SPATA13: variants seen among roughly 807,000 people sequenced by gnomAD.
The protein encoded by SPATA13 is spermatogenesis associated 13.
A neutral mutation model predicts 104.0 loss-of-function variants in SPATA13; 50 were observed. The ratio of observed to expected loss-of-function variants is 0.48; its 90% CI spans 0.38 to 0.61. SPATA13 has a LOEUF of 0.61. SPATA13 is among the 20% of genes least tolerant of loss of function. The pLI, the probability that SPATA13 is intolerant of heterozygous loss-of-function variation, is 0.00. For missense variants in SPATA13, 1,524 were observed against 1,690.6 expected (o/e 0.90, Z 1.73); for synonymous variants, 606 against 667.5 (o/e 0.91, Z 1.42).
intron 4 of SPATA13, among the ~76,000 whole-genome samples, chr13:24,274,996 G>C (rs939523782): frequency 6.6e-6 from 1 of 152,074 alleles, no homozygotes; most frequent in African/African-American, 2.4e-5. Context: ...CCTCCACCCT[G>C]TTATCACACC....
intron 3 of SPATA13, among the ~76,000 whole-genome samples, chr13:24,062,849 G>A (rs1378507003): frequency 6.6e-6 from 1 of 152,154 alleles, no homozygotes; most frequent in African/African-American, 2.4e-5. Flanking sequence ...TTTGGAGTGG[G>A]TTTTGCCAGG....
In SPATA13 at chr13:24,251,787, C is replaced by G; in HGVS notation, c.2089C>G (p.Pro697Ala). 1 of 1,614,198 alleles carries G rather than the reference C, an allele frequency of 6.2e-7. No homozygotes were observed. The highest frequency in any genetic ancestry group is 8.5e-7 in the Non-Finnish European group (1 of 1,180,024). Residue 697 changes from proline (P) to alanine (A), a missense_variant, in exon 4 of 13, where the codon CCC becomes GCC. Pro to Ala is a conservative substitution (Grantham distance 27). Coordinates refer to ENST00000382108, the MANE Select transcript of SPATA13 (RefSeq NM_001166271.3). Reference protein sequence around the residue: ...PYKAVSARFRPFTFSQSTPIG... With the variant: ...PYKAVSARFRAFTFSQSTPIG... Reference sequence around the variant, plus strand: ...CAAGGCTGTGTCGGCCCGGTTCCGGCCCTTCACATTCTCCCAGAGCACCCC... The same window carrying G: ...CAAGGCTGTGTCGGCCCGGTTCCGGGCCTTCACATTCTCCCAGAGCACCCC...
rs188596963 is a variant in SPATA13, at chr13:24,304,996, C to T, written c.*2223C>T. On this transcript the variant is annotated 3_prime_UTR_variant, in exon 13 of 13. Transcript: ENST00000382108. ...ACACCTTAGCAATAACTGTAGGGGT[C>T]TCTGCTAGAGTTGTTTGTATGTACA... 6 of 152,138 alleles carry T rather than the reference C, an allele frequency of 3.9e-5. No homozygotes were observed. Among genetic ancestry groups the T allele is most frequent in the African/African-American group, 1.4e-4 (6 of 41,418 alleles). 9.4% of individuals were successfully genotyped at this position (152,138 alleles called of 1,614,324 possible). A position where few individuals can be genotyped will look rare whatever the true frequency, so the allele number is the denominator to read the frequency against.
At chr13:24,265,297 A>G (rs1156906303) in intron 4 of SPATA13, among the ~76,000 whole-genome samples, 1 of 152,170 alleles carries the variant, frequency 6.6e-6, no homozygotes, top group Non-Finnish European at 1.5e-5. Flanking sequence ...TTGTGCTAGG[A>G]CATGCCATGC....
chr13:24,012,983 G>T (rs761068387), intron 2 of SPATA13, among the ~76,000 whole-genome samples: 2 of 152,150 alleles, frequency 1.3e-5, no homozygotes, highest in Non-Finnish European at 2.9e-5. Flanking sequence ...CCTTCTCACC[G>T]TGACGGCAGA....
At chr13:24,084,296 G>A (rs1189010263) in intron 3 of SPATA13, among the ~76,000 whole-genome samples, 1 of 152,230 alleles carries the variant, frequency 6.6e-6, no homozygotes, top group Non-Finnish European at 1.5e-5. Flanking sequence ...AAGGGTCTCT[G>A]TGCTTGCAGT....
chr13:24,216,869 A>G lies in SPATA13; in HGVS notation c.-111-5950A>G, dbSNP rs147869906. Among the ~76,000 whole-genome samples, 1,264 of 152,178 alleles carry G rather than the reference A, an allele frequency of 8.3e-3. 24 individuals are homozygous for G. In the East Asian group the frequency reaches 0.085, roughly 10 times the overall value. ...AGTTTGAGACCAACCTGGCCAACAT[A>G]GTGAAACCCTGTCTCTACTAAAAAT... is the stretch of plus-strand genomic sequence containing the variant. On this transcript the variant is annotated intron_variant, in intron 1 of 12. Coordinates refer to ENST00000382108, the MANE Select transcript of SPATA13 (RefSeq NM_001166271.3).
chr13:23,995,678 C>A (rs1003712445), intron 2 of SPATA13, among the ~76,000 whole-genome samples: 4 of 152,144 alleles, frequency 2.6e-5, no homozygotes, highest in Non-Finnish European at 4.4e-5. Context: ...ATTCTTCTTA[C>A]CAAAATCTCC....
chr13:24,106,478 G>C (rs186123592), intron 3 of SPATA13, among the ~76,000 whole-genome samples: 26 of 152,300 alleles, frequency 1.7e-4, no homozygotes, highest in Admixed American at 1.6e-3. Flanking sequence ...ATCCTGGCAG[G>C]TGTTTTGGTT....
In SPATA13 at chr13:24,224,014, C is replaced by T; in HGVS notation, c.1085C>T (p.Ser362Phe). 6.5e-7 allele frequency: 1 copy of T among 1,548,772 alleles called. No individual in the cohort carries two copies. The highest frequency in any genetic ancestry group is 8.7e-7 in the Non-Finnish European group (1 of 1,145,464). ...CACAGCCGGCTGCATGACGACTACTCCCGCCGCGTCTCCAGGAGCACTGAG... is the reference window on the plus strand; with the variant it reads ...CACAGCCGGCTGCATGACGACTACTTCCGCCGCGTCTCCAGGAGCACTGAG... ...QAHSRLHDDY[S>F]RRVSRSTEQD... Residue 362 changes from serine (S) to phenylalanine (F), a missense_variant, in exon 2 of 13, where the codon TCC (serine) becomes TTC (phenylalanine). Coordinates refer to ENST00000382108, the MANE Select transcript of SPATA13 (RefSeq NM_001166271.3).
At chr13:24,278,535 T>C (rs1875186476) in intron 4 of SPATA13, 2 of 1,025,446 alleles carry the variant, frequency 2.0e-6, no homozygotes, top group African/African-American at 1.7e-5. Context: ...GCCTCAGTCT[T>C]CCAAAGTGCT....
intron 2 of SPATA13, among the ~76,000 whole-genome samples, chr13:24,238,158 A>ACAAACTCTTTATCTATCTCC (rs1872665420): frequency 1.1e-5 from 1 of 89,206 alleles, no homozygotes; most frequent in Admixed American, 1.6e-4. Flanking sequence ...TTTTTTTGAG[A>ACAAACTCTTTATCTATCTCC]CAGACTCTTG....
chr13:24,037,402 C>A (rs9580832), intron 3 of SPATA13, among the ~76,000 whole-genome samples: 1 of 5,032 alleles, frequency 2.0e-4, no homozygotes, highest in East Asian at 1.1e-3. Context: ...TCGACTAATA[C>A]TTTATTTATT....
rs79878042 is a variant in SPATA13, at chr13:24,222,285, C to T, written c.-111-534C>T. The stretch of plus-strand genomic sequence containing the variant: ...GTGAGGCTCTCAGTTAGTGTTTGGG[C>T]GTCTCAGCCCTCCTGGACAGGAGGC... On this transcript the variant is annotated intron_variant, in intron 1 of 12. Coordinates refer to ENST00000382108, the MANE Select transcript of SPATA13 (RefSeq NM_001166271.3). Among the ~76,000 whole-genome samples the T allele has an allele frequency of 8.8e-3, 1,345 of 152,280 alleles. 25 individuals carry two copies. Among genetic ancestry groups the T allele is most frequent in the African/African-American group, 0.031 (1,270 of 41,550 alleles).
At chr13:24,112,890 C>T (rs1291306829) in intron 3 of SPATA13, among the ~76,000 whole-genome samples, 1 of 152,204 alleles carries the variant, frequency 6.6e-6, no homozygotes, top group Non-Finnish European at 1.5e-5. Context: ...CTAAGGCCTC[C>T]TTTCTATGGT....
chr13:24,064,927 C>G (rs543787406), intron 3 of SPATA13, among the ~76,000 whole-genome samples: 1 of 151,948 alleles, frequency 6.6e-6, no homozygotes, highest in Non-Finnish European at 1.5e-5. Context: ...TGTAAAATAC[C>G]TGATCAATAC....
intron 3 of SPATA13, among the ~76,000 whole-genome samples, chr13:24,036,877 G>A (rs1487627912): frequency 1.3e-5 from 2 of 151,958 alleles, no homozygotes; most frequent in Non-Finnish European, 2.9e-5. Context: ...CTGGGTTCAA[G>A]CGATTCTCCG....
chr13:24,216,830 G>A (rs1871280851), intron 1 of SPATA13, among the ~76,000 whole-genome samples: 3 of 152,090 alleles, frequency 2.0e-5, no homozygotes, highest in South Asian at 2.1e-4. Flanking sequence ...GTGGGAGGAC[G>A]ATTTGAGGTC....
intron 1 of SPATA13, among the ~76,000 whole-genome samples, chr13:24,186,372 C>T (rs185489731): frequency 2.6e-5 from 4 of 152,262 alleles, no homozygotes; most frequent in East Asian, 1.9e-4. Context: ...CAGAGGTTTA[C>T]GATATGTCAG....
Sources: allele counts gnomAD v4.1 joint callset (sites outside exome capture counted in the v4.1 genomes callset), GRCh38; gene constraint gnomAD v4.1.1; transcripts MANE v1.5; gene names NCBI Gene and HGNC (gene_info 2026-07-23, HGNC 2026-07-21).